Variants in STK39 observed in about 807,000 individuals in gnomAD.
The protein encoded by STK39 is STE20/SPS1-related proline-alanine-rich protein kinase.
In STK39, 20 loss-of-function variants were observed where a neutral mutation model predicts 77.8. The ratio of observed to expected loss-of-function variants is 0.26; its 90% confidence interval spans 0.18 to 0.37. The LOEUF is 0.37. Among genes scored for constraint, STK39 ranks in the 10% least tolerant of loss-of-function variants. The pLI, the probability that STK39 is intolerant of heterozygous loss-of-function variation, is 1.00. For synonymous variants in STK39, 246 were observed against 234.1 expected (o/e 1.05, Z -0.47); for missense variants, 479 against 656.5 (o/e 0.73, Z 2.95).
chr2:168,075,649 G>A (rs1209023912), intron 10 of STK39, among the ~76,000 whole-genome samples: 5 of 151,660 alleles, frequency 3.3e-5, no homozygotes, highest in African/African-American at 9.7e-5. Context: ...AGAGAAATCA[G>A]GAAGCCTAAT....
intron 10 of STK39, among the ~76,000 whole-genome samples, chr2:168,117,702 T>C (rs1687294257): frequency 6.6e-6 from 1 of 151,776 alleles, no homozygotes; most frequent in Non-Finnish European, 1.5e-5. Flanking sequence ...AGTGTACTGG[T>C]AGAAAAGTAC....
In STK39 at chr2:167,995,344, G is replaced by A. The variant is rs1215314794; in HGVS notation, c.1498+17290C>T. 6.6e-5 allele frequency among the ~76,000 whole-genome samples: 10 copies of A among 152,188 alleles called. 1 individual carries two copies. The South Asian group carries it at 1.0e-3, about 16-fold the overall frequency. The stretch of plus-strand genomic sequence containing the variant: ...AGGATGGTCTCGATCTCTTGACCTC[G>A]TGATGCACCTGCCTCGGCCTCCCAA... On this transcript the variant is annotated intron_variant, in intron 16 of 17. Transcript: ENST00000355999.
At chr2:167,961,537 T>C (rs1304337092) in intron 17 of STK39, among the ~76,000 whole-genome samples, 2 of 152,044 alleles carry the variant, frequency 1.3e-5, no homozygotes, top group African/African-American at 2.4e-5. Context: ...CAAAAATGGC[T>C]TAAAAATAAA....
Position 168,150,919 on chromosome 2 carries a change from C to T in STK39, c.629-10161G>A, listed in dbSNP as rs75502425. On this transcript the variant is annotated intron_variant, in intron 5 of 17. Coordinates refer to ENST00000355999, the MANE Select transcript of STK39 (RefSeq NM_013233.3). ...ACCAAAGAGGTTCTTCTGACACCCT[C>T]ACTCCCACCCAATCCCTTCCCCTCA... 1.9e-3 allele frequency among the ~76,000 whole-genome samples: 285 copies of T among 152,134 alleles called. 1 individual carries two copies. Among genetic ancestry groups the T allele is most frequent in the African/African-American group, 6.6e-3 (273 of 41,532 alleles).
At chr2:168,236,371 A>G (rs1190087701) in intron 1 of STK39, among the ~76,000 whole-genome samples, 3 of 151,542 alleles carry the variant, frequency 2.0e-5, no homozygotes, top group African/African-American at 7.3e-5. Context: ...AGATGAGTAG[A>G]TTGCAAAAAT....
chr2:168,193,822 G>T (rs138331549), intron 1 of STK39, among the ~76,000 whole-genome samples: 1 of 152,358 alleles, frequency 6.6e-6, no homozygotes, highest in East Asian at 1.9e-4. Context: ...AAGCTCCCAG[G>T]TGATGTGATG....
At chr2:168,015,327 T>C (rs1165409984) in intron 15 of STK39, among the ~76,000 whole-genome samples, 1 of 152,250 alleles carries the variant, frequency 6.6e-6, no homozygotes, top group Non-Finnish European at 1.5e-5. Flanking sequence ...AGCACAAGCA[T>C]AATGCATGTG....
chr2:168,113,701 GGCTT>G (rs1290639227), intron 10 of STK39, among the ~76,000 whole-genome samples: 1 of 152,152 alleles, frequency 6.6e-6, no homozygotes, highest in Non-Finnish European at 1.5e-5. Flanking sequence ...ACTCTCACTT[GGCTT>G]GCTTATTAAA....
intron 1 of STK39, among the ~76,000 whole-genome samples, chr2:168,236,592 A>G (rs1170141456): frequency 2.0e-5 from 3 of 152,226 alleles, no homozygotes; most frequent in South Asian, 2.1e-4. Context: ...TAGGTCTAAC[A>G]TGTAAGTCTT....
chr2:168,037,130 G>C (rs1393233738), intron 14 of STK39, among the ~76,000 whole-genome samples: 1 of 152,070 alleles, frequency 6.6e-6, no homozygotes, highest in Non-Finnish European at 1.5e-5. Flanking sequence ...TATTTTATTG[G>C]GCGTGGAAAC....
At position 168,182,058 on chromosome 2, in the gene STK39, G is replaced by A. The variant is rs202247725; in HGVS notation, c.241C>T (p.Leu81=). 7.4e-6 allele frequency: 12 copies of A among 1,613,808 alleles called. No individual in the cohort carries two copies. The highest frequency in any genetic ancestry group is 1.7e-5 in the Admixed American group (1 of 59,984). The part of the protein sequence containing the change: ...SGATAVVQAA[L]CKPRQERVAI... Reference sequence around the variant, plus strand: ...ACACGTTCTTGCCTGGGTTTGCATAGGGCTGCCTGAACCACAGCAGTAGCT... The same window carrying A: ...ACACGTTCTTGCCTGGGTTTGCATAAGGCTGCCTGAACCACAGCAGTAGCT... The change falls in exon 2 of 18, where the codon CTA becomes TTA. Residue 81 remains leucine, a synonymous_variant. Transcript: ENST00000355999.
rs190216489 is a variant in STK39 at position 168,194,566 on chromosome 2, C to A, written c.209-12476G>T. Among the ~76,000 whole-genome samples, 71 of 152,132 alleles carry A rather than the reference C, an allele frequency of 4.7e-4. 1 individual carries two copies. Among genetic ancestry groups the A allele is most frequent in the African/African-American group, 1.5e-3 (63 of 41,496 alleles). Reference sequence around the variant, plus strand: ...AAATGAAAGATGAAGACAATGCCTGCCTTAGTAGAAATTAGTACAAAAGGC... The same window carrying A: ...AAATGAAAGATGAAGACAATGCCTGACTTAGTAGAAATTAGTACAAAAGGC... On this transcript the variant is annotated intron_variant, in intron 1 of 17. Transcript: ENST00000355999.
intron 1 of STK39, among the ~76,000 whole-genome samples, chr2:168,193,740 C>G (rs891926468): frequency 6.6e-6 from 1 of 152,198 alleles, no homozygotes; most frequent in African/African-American, 2.4e-5. Flanking sequence ...CATAAGGGGT[C>G]ACCTGGGTGT....
chr2:168,176,301 C>A (rs114839702), intron 2 of STK39, among the ~76,000 whole-genome samples: 7 of 151,414 alleles, frequency 4.6e-5, no homozygotes, highest in African/African-American at 1.5e-4. Flanking sequence ...GTTTCTCCCC[C>A]CCTTAAACCT....
At chr2:168,132,024 C>G (rs946678222) in intron 8 of STK39, among the ~76,000 whole-genome samples, 1 of 152,110 alleles carries the variant, frequency 6.6e-6, no homozygotes, top group Non-Finnish European at 1.5e-5. Flanking sequence ...TGCTGCTCAA[C>G]GGCAAGAGGG....
chr2:168,173,102 T>A (rs749009216), intron 2 of STK39, among the ~76,000 whole-genome samples: 13 of 152,172 alleles, frequency 8.5e-5, no homozygotes, highest in Non-Finnish European at 1.5e-4. Context: ...TTTCTTTCAA[T>A]GAAATGGTGA....
chr2:168,217,465 C>A (rs1690053825), intron 1 of STK39, among the ~76,000 whole-genome samples: 1 of 152,172 alleles, frequency 6.6e-6, no homozygotes, highest in Non-Finnish European at 1.5e-5. Flanking sequence ...TATAAACTGA[C>A]ATTTCAGAAT....
At chr2:168,096,938 C>T (rs1270071291) in intron 10 of STK39, among the ~76,000 whole-genome samples, 3 of 151,942 alleles carry the variant, frequency 2.0e-5, no homozygotes, top group Admixed American at 6.6e-5. Context: ...TGGGTATAAA[C>T]GTGCCCAAAA....
intron 14 of STK39, among the ~76,000 whole-genome samples, chr2:168,039,129 A>C (rs1291448998): frequency 2.0e-5 from 3 of 152,180 alleles, no homozygotes; most frequent in African/African-American, 7.2e-5. Flanking sequence ...CTGAAAAAAA[A>C]TCCCCAAATG....
Sources: gnomAD v4.1 joint callset for allele counts (sites outside exome capture counted in the v4.1 genomes callset) on GRCh38, gnomAD v4.1.1 for gene constraint, MANE v1.5 for transcripts, NCBI Gene and HGNC (gene_info 2026-07-23, HGNC 2026-07-21) for gene names.